Variants in HSD17B4 observed in about 807,000 individuals in gnomAD.
HSD17B4 encodes peroxisomal multifunctional enzyme type 2.
HSD17B4 carries 70 observed loss-of-function variants against 101.0 expected under a neutral mutation model. The ratio of observed to expected loss-of-function variants is 0.69; its 90% confidence interval spans 0.57 to 0.85. HSD17B4 has a LOEUF of 0.85. Among genes scored for constraint, HSD17B4 ranks in the 40% least tolerant of loss-of-function variants. The pLI is 0.00. For synonymous variants in HSD17B4, 347 were observed against 297.1 expected, an observed-to-expected ratio of 1.17 and a Z score of -1.73; for missense variants, 984 against 892.4, an observed-to-expected ratio of 1.10 and a Z score of -1.31.
chr5:119,527,669 A>C (rs944145160), intron 20 of HSD17B4, among the ~76,000 whole-genome samples: 1 of 152,158 alleles, frequency 6.6e-6, no homozygotes, highest in Non-Finnish European at 1.5e-5. Context: ...TCGAAAAAAA[A>C]TTAGAACAAC....
At chr5:119,508,178 A>G (rs1005001244) in intron 15 of HSD17B4, among the ~76,000 whole-genome samples, 6 of 151,334 alleles carry the variant, frequency 4.0e-5, no homozygotes, top group East Asian at 2.0e-4. Flanking sequence ...CTTGGCTACT[A>G]TTCTCCCAGT....
At chr5:119,538,592 C>T (rs1490756) in intron 23 of HSD17B4, among the ~76,000 whole-genome samples, 40,657 of 152,138 alleles carry the variant, frequency 0.27, 6,815 homozygotes, top group East Asian at 0.4. Flanking sequence ...GTTACCATGT[C>T]GTGTATGATG....
chr5:119,531,065 A>G (rs1754052285), intron 21 of HSD17B4, among the ~76,000 whole-genome samples: 1 of 152,078 alleles, frequency 6.6e-6, no homozygotes, highest in Admixed American at 6.6e-5. Context: ...AATTCTAATA[A>G]AAGTAAAATC....
intron 8 of HSD17B4, among the ~76,000 whole-genome samples, chr5:119,480,261 A>AT (rs1262086654): frequency 6.6e-6 from 1 of 151,356 alleles, no homozygotes; most frequent in African/African-American, 2.4e-5. Flanking sequence ...TGTTTTAGAA[A>AT]TTTTTTTTTC....
intron 14 of HSD17B4, among the ~76,000 whole-genome samples, chr5:119,503,547 T>G (rs1035551605): frequency 8.5e-5 from 13 of 152,162 alleles, no homozygotes; most frequent in African/African-American, 2.9e-4. Context: ...GACTACTGTT[T>G]ATAATCTACT....
intron 11 of HSD17B4, chr5:119,495,713 C>A: frequency 5.3e-6 from 1 of 188,136 alleles, no homozygotes; most frequent in Non-Finnish European, 1.2e-5. Context: ...TTCTGTCTCC[C>A]AGGCTGGAGT....
chr5:119,519,074 G>A (rs1440586912), intron 17 of HSD17B4, among the ~76,000 whole-genome samples: 1 of 152,164 alleles, frequency 6.6e-6, no homozygotes, highest in Non-Finnish European at 1.5e-5. Context: ...GTAAATCGAG[G>A]CTGCAGTGAG....
intron 14 of HSD17B4, among the ~76,000 whole-genome samples, chr5:119,506,150 A>G (rs1156335538): frequency 6.6e-6 from 1 of 151,652 alleles, no homozygotes; most frequent in Non-Finnish European, 1.5e-5. Context: ...ATTTCTCCTA[A>G]TGTTATCCCT....
chr5:119,506,153 T>A (rs1487074922), intron 14 of HSD17B4, among the ~76,000 whole-genome samples: 2 of 151,704 alleles, frequency 1.3e-5, no homozygotes, highest in Non-Finnish European at 2.9e-5. Context: ...TCTCCTAATG[T>A]TATCCCTCCC....
At chr5:119,501,330 A>T (rs174008) in intron 13 of HSD17B4, among the ~76,000 whole-genome samples, 89,691 of 146,056 alleles carry the variant, frequency 0.61, 27,429 homozygotes, top group East Asian at 0.91. Context: ...TTTTTTTTTT[A>T]AAATCCTTTT....
At chr5:119,507,729 A>C (rs1033274982) in intron 15 of HSD17B4, among the ~76,000 whole-genome samples, 12 of 151,700 alleles carry the variant, frequency 7.9e-5, no homozygotes, top group Non-Finnish European at 1.6e-4. Flanking sequence ...GCATGCAGTG[A>C]GCTGAGATTG....
chr5:119,541,874 T>G, intron 23 of HSD17B4, 31 bp from the exon 24 acceptor site: 1 of 1,275,066 alleles, frequency 7.8e-7, no homozygotes, highest in Non-Finnish European at 1.1e-6. Flanking sequence ...ATGGTAACAG[T>G]TGGCACTCTT....
At chr5:119,507,235 A>T (rs190257536) in intron 15 of HSD17B4, among the ~76,000 whole-genome samples, 13 of 152,342 alleles carry the variant, frequency 8.5e-5, no homozygotes, top group African/African-American at 3.1e-4. Context: ...TCACTTGACA[A>T]TTAGGCTGTG....
At chr5:119,508,271 C>G (rs1751848084) in intron 15 of HSD17B4, among the ~76,000 whole-genome samples, 1 of 150,028 alleles carries the variant, frequency 6.7e-6, no homozygotes, top group South Asian at 2.1e-4. Context: ...TTAATTTTTA[C>G]TGTTCTCTCT....
At chr5:119,474,661 TG>T (rs1290711145) in intron 4 of HSD17B4, among the ~76,000 whole-genome samples, 2 of 152,210 alleles carry the variant, frequency 1.3e-5, no homozygotes, top group African/African-American at 4.8e-5. Context: ...GTGTTGAGTT[TG>T]TTTTTTTGCA....
chr5:119,510,243 C>T (rs1752048929), intron 16 of HSD17B4, among the ~76,000 whole-genome samples: 1 of 152,108 alleles, frequency 6.6e-6, no homozygotes, highest in Non-Finnish European at 1.5e-5. Context: ...TTTTCTTGTA[C>T]AATCTTTGCA....
At chr5:119,470,531 T>C (rs957437116) in intron 2 of HSD17B4, among the ~76,000 whole-genome samples, 8 of 152,208 alleles carry the variant, frequency 5.3e-5, no homozygotes, top group Non-Finnish European at 8.8e-5. Context: ...TGATTACAGG[T>C]ATTTGTGATG....
chr5:119,506,569 C>T (rs535900786), intron 14 of HSD17B4, among the ~76,000 whole-genome samples: 2 of 152,264 alleles, frequency 1.3e-5, no homozygotes, highest in East Asian at 3.9e-4. Context: ...ATTTCTAGTT[C>T]TAGATCCTTG....
intron 7 of HSD17B4, chr5:119,477,776 A>C: frequency 2.5e-6 from 1 of 404,398 alleles, no homozygotes; most frequent in Non-Finnish European, 4.6e-6. Context: ...TTATTTTGAG[A>C]CATAGTTTCA....
Sources: gnomAD v4.1 joint callset for allele counts (sites outside exome capture counted in the v4.1 genomes callset) on GRCh38, gnomAD v4.1.1 for gene constraint, MANE v1.5 for transcripts, NCBI Gene and HGNC (gene_info 2026-07-23, HGNC 2026-07-21) for gene names.